TEK: variants seen among roughly 807,000 people sequenced by gnomAD.
TEK encodes TEK receptor tyrosine kinase.
TEK carries 43 observed loss-of-function variants against 131.8 expected under a neutral mutation model. That is an observed-to-expected ratio of 0.33 (90% CI 0.26 to 0.42). The LOEUF (loss-of-function observed/expected upper bound fraction) is 0.42. Ranked by LOEUF, TEK falls within the 10% of genes least tolerant of loss-of-function variation. The probability of loss-of-function intolerance (pLI) is 1.00; values close to 1 mark genes in which losing one functional copy is unlikely to be tolerated. For missense variants in TEK, 1,162 were observed against 1,384.4 expected (o/e 0.84, Z 2.55); for synonymous variants, 580 against 491.6 (o/e 1.18, Z -2.38).
At chr9:27,200,320 C>T (rs1038846736) in intron 12 of TEK, among the ~76,000 whole-genome samples, 1 of 152,170 alleles carries the variant, frequency 6.6e-6, no homozygotes, top group Non-Finnish European at 1.5e-5. Flanking sequence ...GCTCACTCAC[C>T]TAAACTACAT....
intron 1 of TEK, among the ~76,000 whole-genome samples, chr9:27,110,511 G>T (rs1821297392): frequency 6.6e-6 from 1 of 152,166 alleles, no homozygotes; most frequent in African/African-American, 2.4e-5. Context: ...ATTGCCATCA[G>T]TCTCTCCCCT....
chr9:27,180,200 C>G (rs770197818), intron 6 of TEK, 40 bp from the exon 7 acceptor site: 2 of 1,612,756 alleles, frequency 1.2e-6, no homozygotes, highest in Non-Finnish European at 1.7e-6. Flanking sequence ...TCCTCTCTTC[C>G]CCTGGATTAA....
chr9:27,227,466 G>A (rs1003616364), intron 21 of TEK, among the ~76,000 whole-genome samples: 1 of 152,158 alleles, frequency 6.6e-6, no homozygotes, highest in Non-Finnish European at 1.5e-5. Context: ...CATAAACATG[G>A]TGGCTTATAA....
chr9:27,227,171 C>CCCCAGAGTCATTTGTTCA (rs1442626889), intron 21 of TEK, among the ~76,000 whole-genome samples: 1 of 152,162 alleles, frequency 6.6e-6, no homozygotes. Flanking sequence ...ACATAAGGTT[C>CCCCAGAGTCATTTGTTCA]CCCAGAGTCA....
At chr9:27,184,477 G>A (rs747483902) in intron 8 of TEK, among the ~76,000 whole-genome samples, 1 of 152,112 alleles carries the variant, frequency 6.6e-6, no homozygotes, top group Non-Finnish European at 1.5e-5. Context: ...GACCTTCTGA[G>A]GGAGGAATAT....
intron 1 of TEK, among the ~76,000 whole-genome samples, chr9:27,149,549 A>T (rs1359092354): frequency 6.6e-6 from 1 of 152,182 alleles, no homozygotes; most frequent in East Asian, 1.9e-4. Flanking sequence ...TAGCAAATAT[A>T]ATCCTGAATT....
At chr9:27,177,771 AAAG>A (rs1171828384) in intron 6 of TEK, among the ~76,000 whole-genome samples, 16 of 152,208 alleles carry the variant, frequency 1.1e-4, no homozygotes, top group African/African-American at 3.6e-4. Context: ...AAAGAAAAAA[AAAG>A]ATGTCTATTC....
chr9:27,136,085 ATT>A (rs36023271), intron 1 of TEK, among the ~76,000 whole-genome samples: 2 of 137,000 alleles, frequency 1.5e-5, no homozygotes, highest in Non-Finnish European at 1.6e-5. Flanking sequence ...CAGGGCAGTT[ATT>A]TTTTTTTTTT....
intron 1 of TEK, among the ~76,000 whole-genome samples, chr9:27,123,991 G>T (rs1239770204): frequency 6.6e-6 from 1 of 152,206 alleles, no homozygotes; most frequent in African/African-American, 2.4e-5. Flanking sequence ...TGGTCAGGCT[G>T]GTCTTGAACT....
chr9:27,189,863 T>G (rs971535933), intron 9 of TEK, among the ~76,000 whole-genome samples: 2 of 152,058 alleles, frequency 1.3e-5, no homozygotes, highest in African/African-American at 4.8e-5. Flanking sequence ...GAGAGAGATA[T>G]ATATATATAG....
intron 15 of TEK, 73 bp from the exon 16 acceptor site, chr9:27,209,048 G>A (rs897524761): frequency 2.0e-6 from 2 of 999,290 alleles, no homozygotes; most frequent in Non-Finnish European, 1.6e-6. Flanking sequence ...AAGGTTCTTA[G>A]GGGGCAGGAC....
chr9:27,192,480 T>C lies in TEK; in HGVS notation c.1490-9T>C, dbSNP rs1188473357. ...CAACTTAAGTTTCCTGGACGTTTTC[T>C]CTTCTCAGTGACAAATGAGATTGTT... On this transcript the variant is annotated splice_polypyrimidine_tract_variant and intron_variant, in intron 10 of 22. Transcript: ENST00000380036. The C allele has an allele frequency of 6.2e-7, 1 of 1,613,850 alleles. No individual in the cohort carries two copies. Among genetic ancestry groups the C allele is most frequent in the Admixed American group, 1.7e-5 (1 of 60,008 alleles).
chr9:27,153,658 G>C (rs147544260), intron 1 of TEK, among the ~76,000 whole-genome samples: 59 of 152,320 alleles, frequency 3.9e-4, no homozygotes, highest in African/African-American at 1.2e-3. Flanking sequence ...TCCCCAACAT[G>C]ATTTGGAGAG....
At chr9:27,181,687 G>A (rs2034123692) in intron 7 of TEK, among the ~76,000 whole-genome samples, 1 of 152,080 alleles carries the variant, frequency 6.6e-6, no homozygotes, top group East Asian at 1.9e-4. Context: ...GTACTACAAG[G>A]GCAGAAAACA....
chr9:27,171,414 G>A (rs1052228843), intron 4 of TEK, among the ~76,000 whole-genome samples: 1 of 152,164 alleles, frequency 6.6e-6, no homozygotes, highest in African/African-American at 2.4e-5. Flanking sequence ...TTGGTGTTGA[G>A]AATACAGGAT....
At chr9:27,176,454 A>C (rs1824176819) in intron 6 of TEK, among the ~76,000 whole-genome samples, 1 of 152,242 alleles carries the variant, frequency 6.6e-6, no homozygotes, top group African/African-American at 2.4e-5. Flanking sequence ...ACTTGATTTC[A>C]GTAGTCAGAT....
chr9:27,183,322 T>C, intron 7 of TEK, 137 bp from the exon 8 acceptor site: 1 of 933,948 alleles, frequency 1.1e-6, no homozygotes, highest in Non-Finnish European at 1.7e-6. Context: ...ACAGGTGTCT[T>C]ATGTGATGAC....
intron 12 of TEK, among the ~76,000 whole-genome samples, chr9:27,198,015 TTTAAAAG>T (rs1587002107): frequency 1.3e-5 from 2 of 152,146 alleles, no homozygotes; most frequent in Admixed American, 1.3e-4. Flanking sequence ...AACAGGTAAT[TTTAAAAG>T]TTAAAAGATT....
intron 1 of TEK, among the ~76,000 whole-genome samples, chr9:27,126,608 A>G (rs776393659): frequency 1.3e-5 from 2 of 152,244 alleles, no homozygotes; most frequent in Non-Finnish European, 2.9e-5. Context: ...AGACTGCAAT[A>G]AAGTTTCCAT....
Sources: gnomAD v4.1 joint callset for allele counts (sites outside exome capture counted in the v4.1 genomes callset) on GRCh38, gnomAD v4.1.1 for gene constraint, MANE v1.5 for transcripts, NCBI Gene and HGNC (gene_info 2026-07-23, HGNC 2026-07-21) for gene names.